PCDHGB3: variants seen among roughly 807,000 people sequenced by gnomAD.
The protein encoded by PCDHGB3 is protocadherin gamma-B3.
A neutral mutation model predicts 59.2 loss-of-function variants in PCDHGB3; 40 were observed. That is an observed-to-expected ratio of 0.68 (90% confidence interval 0.52 to 0.88). PCDHGB3 has a LOEUF of 0.88. Among genes scored for constraint, PCDHGB3 ranks in the 40% least tolerant of loss-of-function variants. PCDHGB3 has a pLI of 0.00. For missense variants in PCDHGB3, 1,309 were observed against 1,187.9 expected, an observed-to-expected ratio of 1.10 and a Z score of -1.50; for synonymous variants, 581 against 503.6, an observed-to-expected ratio of 1.15 and a Z score of -2.06.
At chr5:141,396,645 A>G (rs1224275677) in intron 1 of PCDHGB3, 1 of 152,172 alleles carries the variant, frequency 6.6e-6, no homozygotes, top group Non-Finnish European at 1.5e-5. Context: ...TAATATTAAT[A>G]GTAAAAACTC....
chr5:141,494,306 T>G (rs1432951954), intron 1 of PCDHGB3, among the ~76,000 whole-genome samples: 1 of 152,212 alleles, frequency 6.6e-6, no homozygotes, highest in Non-Finnish European at 1.5e-5. Flanking sequence ...AATGTGTCAC[T>G]GCACAACCTG....
chr5:141,485,124 C>T lies in PCDHGB3; in HGVS notation c.2416-9683C>T. The T allele has an allele frequency of 7.2e-7, 1 of 1,390,146 alleles. No individual in the cohort carries two copies. The highest frequency in any genetic ancestry group is 1.0e-6 in the Non-Finnish European group (1 of 990,090). The allele number at this position is 1,390,146 out of a possible 1,614,324, so 86.1% of individuals were successfully genotyped here. ...GCTGCTGTGGCTGTTTGGGGCGGGT[C>T]GGCTTCATCCGCGTCTCAGGAGCAA... On this transcript the variant is annotated intron_variant, in intron 1 of 3. Coordinates refer to ENST00000576222, the MANE Select transcript of PCDHGB3 (RefSeq NM_018924.5). The surrounding 1 kb of genome is among the most constrained non-coding windows in gnomAD (Gnocchi z 5.7).
chr5:141,407,924 C>T, intron 1 of PCDHGB3: 2 of 482,212 alleles, frequency 4.1e-6, no homozygotes, highest in Non-Finnish European at 3.6e-6. Flanking sequence ...CTGTCCCGCA[C>T]GGAGCCTCTG....
chr5:141,495,424 A>G (rs927637242), intron 2 of PCDHGB3, among the ~76,000 whole-genome samples: 2 of 152,088 alleles, frequency 1.3e-5, no homozygotes, highest in Non-Finnish European at 2.9e-5. Flanking sequence ...CCCTCCTCCC[A>G]CTGTCCTCTG....
chr5:141,432,665 G>A lies in PCDHGB3; in HGVS notation c.2415+59856G>A. 1 of 1,613,896 alleles carries A rather than the reference G, an allele frequency of 6.2e-7. No individual in the cohort carries two copies. Among genetic ancestry groups the A allele is most frequent in the Non-Finnish European group, 8.5e-7 (1 of 1,179,956 alleles). On this transcript the variant is annotated intron_variant, in intron 1 of 3. Coordinates refer to ENST00000576222, the MANE Select transcript of PCDHGB3 (RefSeq NM_018924.5). The surrounding 1 kb of genome is among the most constrained non-coding windows in gnomAD (Gnocchi z 6.0). ...CACGGCGCGAGCCCTGCTGGACAGA[G>A]ACGCGCTCAAGCAGAGCCTCGTAGT... is the stretch of plus-strand genomic sequence containing the variant.
chr5:141,401,408 A>T (rs943963302), intron 1 of PCDHGB3, among the ~76,000 whole-genome samples: 9 of 152,200 alleles, frequency 5.9e-5, no homozygotes, highest in African/African-American at 1.7e-4. Context: ...TATGAGAGAG[A>T]AAGAGAGAGA....
chr5:141,501,970 T>C (rs2099812082), intron 2 of PCDHGB3, among the ~76,000 whole-genome samples: 1 of 152,068 alleles, frequency 6.6e-6, no homozygotes. Flanking sequence ...TCCTAACCTC[T>C]GGCATCTGGT....
At chr5:141,374,497 G>T in intron 1 of PCDHGB3, 5 of 1,611,562 alleles carry the variant, frequency 3.1e-6, no homozygotes, top group Non-Finnish European at 4.2e-6. Flanking sequence ...AGGAAGAATT[G>T]GAAGTGAAAA....
chr5:141,370,336 G>A lies in PCDHGB3; in HGVS notation c.-59G>A. 6.9e-7 allele frequency: 1 copy of A among 1,441,770 alleles called. No homozygotes were observed. Among genetic ancestry groups the A allele is most frequent in the Non-Finnish European group, 9.4e-7 (1 of 1,069,044 alleles). The allele number at this position is 1,441,770 out of a possible 1,614,324, so 89.3% of individuals were successfully genotyped here. On this transcript the variant is annotated 5_prime_UTR_variant, in exon 1 of 4. Coordinates refer to ENST00000576222, the MANE Select transcript of PCDHGB3 (RefSeq NM_018924.5). ...AGTTGGTCCTGCTCGGAGAACTCTT[G>A]GGATTATTTAAAGATCTCCTCTCCT...
At chr5:141,424,841 C>A (rs1303241053) in intron 1 of PCDHGB3, among the ~76,000 whole-genome samples, 1 of 152,126 alleles carries the variant, frequency 6.6e-6, no homozygotes. Context: ...TACATGTTAT[C>A]TGAAGCAATG....
intron 1 of PCDHGB3, chr5:141,383,907 A>G: frequency 6.2e-7 from 1 of 1,613,958 alleles, no homozygotes; most frequent in Non-Finnish European, 8.5e-7. Flanking sequence ...TACTGATCAC[A>G]GTTTTAGATG....
intron 1 of PCDHGB3, chr5:141,393,205 C>A: frequency 6.2e-7 from 1 of 1,613,504 alleles, no homozygotes; most frequent in Non-Finnish European, 8.5e-7. Flanking sequence ...GATAATAACC[C>A]AAAATTCCAG....
intron 1 of PCDHGB3, chr5:141,393,090 G>T: frequency 6.2e-7 from 1 of 1,613,626 alleles, no homozygotes; most frequent in South Asian, 1.1e-5. Flanking sequence ...GATAGATCGG[G>T]AGGAGCTCTG....
Position 141,432,604 on chromosome 5 carries a change from A to T in PCDHGB3, c.2415+59795A>T, listed in dbSNP as rs774164351. ...GTCTGCTCAAGGCCAGCGAGCCGGG[A>T]CTCTTCTCGGTGGGTCTGCACACGG... On this transcript the variant is annotated intron_variant, in intron 1 of 3. Coordinates refer to ENST00000576222, the MANE Select transcript of PCDHGB3 (RefSeq NM_018924.5). The surrounding 1 kb of genome is among the most constrained non-coding windows in gnomAD (Gnocchi z 6.0). 1.2e-6 allele frequency: 2 copies of T among 1,610,530 alleles called. No homozygotes were observed. The highest frequency in any genetic ancestry group is 1.7e-6 in the Non-Finnish European group (2 of 1,179,274).
intron 1 of PCDHGB3, chr5:141,421,848 T>C (rs571838248): frequency 4.9e-5 from 79 of 1,613,634 alleles, no homozygotes; most frequent in Non-Finnish European, 6.0e-5. Flanking sequence ...AGAAAGAGGC[T>C]GCTCACCTGC....
chr5:141,394,607 G>A (rs769750411), intron 1 of PCDHGB3: 17 of 1,613,530 alleles, frequency 1.1e-5, no homozygotes, highest in Non-Finnish European at 1.4e-5. Context: ...ACAGAGACTC[G>A]GGCCAGAACG....
At chr5:141,478,735 G>T in intron 1 of PCDHGB3, 1 of 1,535,968 alleles carries the variant, frequency 6.5e-7, no homozygotes, top group Non-Finnish European at 8.8e-7. Flanking sequence ...AGTGTGGTTT[G>T]TGGTCCCATT....
rs113341686 is a variant in PCDHGB3, at chr5:141,488,763, G to A, written c.2416-6044G>A. Among the ~76,000 whole-genome samples the A allele has an allele frequency of 6.6e-4, 101 of 152,264 alleles. 1 individual carries two copies. The highest frequency in any genetic ancestry group is 1.7e-3 in the African/African-American group (69 of 41,544). ...ATGCAGGAAGTTGCTGGGACAGAACGCTGAGGAGTTTTGTATCACTTTGTC... is the reference window on the plus strand; with the variant it reads ...ATGCAGGAAGTTGCTGGGACAGAACACTGAGGAGTTTTGTATCACTTTGTC... On this transcript the variant is annotated intron_variant, in intron 1 of 3. Coordinates refer to ENST00000576222, the MANE Select transcript of PCDHGB3 (RefSeq NM_018924.5).
chr5:141,380,086 G>T (rs1776198648), intron 1 of PCDHGB3, among the ~76,000 whole-genome samples: 1 of 151,828 alleles, frequency 6.6e-6, no homozygotes. Flanking sequence ...TTTTAGTAGA[G>T]ATGGGGTTTT....
Sources: gnomAD v4.1 joint callset for allele counts (sites outside exome capture counted in the v4.1 genomes callset) on GRCh38, gnomAD v4.1.1 for gene constraint, Gnocchi (gnomAD v3.1) non-coding constraint, MANE v1.5 for transcripts, NCBI Gene and HGNC (gene_info 2026-07-23, HGNC 2026-07-21) for gene names.